The following DGKB variants were observed in gnomAD, a reference collection of about 807,000 sequenced individuals.
The protein encoded by DGKB is diacylglycerol kinase beta.
Under a neutral mutation model 114.3 loss-of-function variants are expected in DGKB, and 67 were observed. That is an observed-to-expected ratio of 0.59 (90% CI 0.48 to 0.72). The LOEUF (loss-of-function observed/expected upper bound fraction) is 0.72, where lower values mean the gene tolerates loss of function less well. Among genes scored for constraint, DGKB ranks in the 30% least tolerant of loss-of-function variants. The pLI is 0.00. For synonymous variants in DGKB, 398 were observed against 323.1 expected (o/e 1.23, Z -2.49); for missense variants, 907 against 975.2 (o/e 0.93, Z 0.93).
intron 20 of DGKB, among the ~76,000 whole-genome samples, chr7:14,561,373 T>C (rs1391143205): frequency 6.6e-6 from 1 of 152,174 alleles, no homozygotes; most frequent in East Asian, 1.9e-4. Context: ...ATGTCTTTAT[T>C]AGCATCATGG....
At chr7:14,398,199 G>C (rs1822538862) in intron 21 of DGKB, among the ~76,000 whole-genome samples, 1 of 151,956 alleles carries the variant, frequency 6.6e-6, no homozygotes, top group East Asian at 1.9e-4. Flanking sequence ...ATAAAGATAG[G>C]AAAAATGAAG....
At chr7:14,492,441 C>G (rs1784724789) in intron 20 of DGKB, among the ~76,000 whole-genome samples, 1 of 151,922 alleles carries the variant, frequency 6.6e-6, no homozygotes, top group Admixed American at 6.6e-5. Flanking sequence ...AATATTTGCT[C>G]ATGTTTTTCC....
chr7:14,432,633 T>G (rs1828636530), intron 21 of DGKB, among the ~76,000 whole-genome samples: 1 of 152,206 alleles, frequency 6.6e-6, no homozygotes, highest in Non-Finnish European at 1.5e-5. Flanking sequence ...TTTTAAAATT[T>G]ATAGACAGGA....
chr7:14,177,004 G>T (rs1781845369), intron 24 of DGKB, 105 bp from the exon 25 acceptor site: 3 of 1,310,142 alleles, frequency 2.3e-6, no homozygotes, highest in Middle Eastern at 1.9e-4. Flanking sequence ...TATGGTAATA[G>T]TTGGGCTCTA....
intron 9 of DGKB, among the ~76,000 whole-genome samples, chr7:14,686,769 A>T (rs997871204): frequency 3.0e-4 from 46 of 152,254 alleles, no homozygotes; most frequent in African/African-American, 1.1e-3. Flanking sequence ...CATTAATGAA[A>T]TGCTTCCTGG....
At chr7:14,217,772 G>A (rs1562648941) in intron 23 of DGKB, among the ~76,000 whole-genome samples, 1 of 151,944 alleles carries the variant, frequency 6.6e-6, no homozygotes, top group Non-Finnish European at 1.5e-5. Flanking sequence ...GGTCACCATG[G>A]GCTTAATGAA....
At chr7:14,405,216 C>A (rs1823754439) in intron 21 of DGKB, among the ~76,000 whole-genome samples, 1 of 151,844 alleles carries the variant, frequency 6.6e-6, no homozygotes, top group Admixed American at 6.6e-5. Context: ...GGGTAATATT[C>A]TTCTACATAA....
rs545053776 is a variant in DGKB at position 14,442,112 on chromosome 7, G to C, written c.1835+36049C>G. On this transcript the variant is annotated intron_variant, in intron 21 of 25. Transcript: ENST00000402815. ...TTTACTTTGTAACAAATTTAAATTT[G>C]TAAGTATGCTTCAGAATATTTGCTA... Among the ~76,000 whole-genome samples the C allele has an allele frequency of 2.7e-3, 413 of 152,002 alleles. 2 individuals carry two copies. The highest frequency in any genetic ancestry group is 4.1e-3 in the Admixed American group (62 of 15,264).
intron 21 of DGKB, among the ~76,000 whole-genome samples, chr7:14,346,618 G>C (rs914163997): frequency 1.4e-4 from 21 of 151,850 alleles, no homozygotes; most frequent in Non-Finnish European, 2.7e-4. Flanking sequence ...TCATATATGT[G>C]AGCAGATATA....
intron 1 of DGKB, among the ~76,000 whole-genome samples, chr7:14,858,926 G>C (rs1293855442): frequency 6.6e-6 from 1 of 152,158 alleles, no homozygotes; most frequent in Non-Finnish European, 1.5e-5. Flanking sequence ...AATAATCTCA[G>C]TCTATTAGGG....
At chr7:14,880,760 C>A (rs543189670) in intron 1 of DGKB, among the ~76,000 whole-genome samples, 13 of 152,148 alleles carry the variant, frequency 8.5e-5, no homozygotes, top group Non-Finnish European at 1.9e-4. Flanking sequence ...GAGCCTCATA[C>A]CAAGCTCGTA....
chr7:14,610,685 C>T (rs1420398627), intron 16 of DGKB, among the ~76,000 whole-genome samples: 1 of 151,952 alleles, frequency 6.6e-6, no homozygotes, highest in African/African-American at 2.4e-5. Flanking sequence ...ACCCTCTTTT[C>T]CCTGGCACCT....
At position 14,148,851 on chromosome 7, in the gene DGKB, T is replaced by G. The variant is rs1451947275; in HGVS notation, c.*280A>C. 2.4e-6 allele frequency: 1 copy of G among 413,544 alleles called. No individual in the cohort carries two copies. Among genetic ancestry groups the G allele is most frequent in the Non-Finnish European group, 4.3e-6 (1 of 229,912 alleles). 25.6% of individuals were successfully genotyped at this position (413,544 alleles called of 1,614,324 possible). On this transcript the variant is annotated 3_prime_UTR_variant, in exon 26 of 26. Transcript: ENST00000402815. ...TTAGTAAAAGGAAATTGGGGAAGAGTTGGGTGGGAGATGTAAAAATCTATG... is the reference window on the plus strand; with the variant it reads ...TTAGTAAAAGGAAATTGGGGAAGAGGTGGGTGGGAGATGTAAAAATCTATG...
chr7:14,660,584 T>C (rs1218070706), intron 13 of DGKB, among the ~76,000 whole-genome samples: 1 of 151,974 alleles, frequency 6.6e-6, no homozygotes, highest in African/African-American at 2.4e-5. Flanking sequence ...ATCATTTTTA[T>C]TGCGTCTATT....
chr7:14,530,551 A>G (rs1478743007), intron 20 of DGKB, among the ~76,000 whole-genome samples: 4 of 151,536 alleles, frequency 2.6e-5, no homozygotes, highest in South Asian at 2.1e-4. Context: ...ATTGGATCAC[A>G]TATATTAAAC....
Position 14,613,131 on chromosome 7 carries a change from A to G in DGKB, c.1358+209T>C, listed in dbSNP as rs1805869569. Among the ~76,000 whole-genome samples the G allele has an allele frequency of 1.3e-5, 2 of 152,166 alleles. 1 individual carries two copies. Among genetic ancestry groups the G allele is most frequent in the African/African-American group, 4.8e-5 (2 of 41,446 alleles). ...TAGAGAGAATTCAAACACCTGAGCTATAATAGTAAAAATAGTTACAAAAGG... is the reference window on the plus strand; with the variant it reads ...TAGAGAGAATTCAAACACCTGAGCTGTAATAGTAAAAATAGTTACAAAAGG... On this transcript the variant is annotated intron_variant, in intron 16 of 25. Coordinates refer to ENST00000402815, the MANE Select transcript of DGKB (RefSeq NM_001350709.2).
chr7:14,329,076 CATG>C (rs1809257100), intron 23 of DGKB, among the ~76,000 whole-genome samples: 1 of 151,904 alleles, frequency 6.6e-6, no homozygotes, highest in Non-Finnish European at 1.5e-5. Context: ...CTACTATTCA[CATG>C]ATAATTAGCT....
chr7:14,366,070 G>T (rs1297528207), intron 21 of DGKB, among the ~76,000 whole-genome samples: 7 of 152,002 alleles, frequency 4.6e-5, no homozygotes, highest in Non-Finnish European at 7.4e-5. Context: ...TCTGACTATA[G>T]TTGTATTTGC....
intron 20 of DGKB, among the ~76,000 whole-genome samples, chr7:14,547,608 T>C (rs968545396): frequency 2.0e-5 from 3 of 152,192 alleles, no homozygotes; most frequent in African/African-American, 7.2e-5. Flanking sequence ...ATTAATTACA[T>C]CTTCAGGAAT....
Sources: allele counts gnomAD v4.1 joint callset (sites outside exome capture counted in the v4.1 genomes callset), GRCh38; gene constraint gnomAD v4.1.1; transcripts MANE v1.5; gene names NCBI Gene and HGNC (gene_info 2026-07-23, HGNC 2026-07-21).